The following PTPRM variants were observed in gnomAD, a reference collection of about 807,000 sequenced individuals.
PTPRM encodes the protein receptor-type tyrosine-protein phosphatase mu.
In PTPRM, 47 loss-of-function variants were observed where a neutral mutation model predicts 186.7. That is an observed-to-expected ratio of 0.25 (90% CI 0.20 to 0.32). The LOEUF (loss-of-function observed/expected upper bound fraction) is 0.32. PTPRM is among the 10% of genes least tolerant of loss of function. PTPRM has a pLI of 1.00. For missense variants in PTPRM, 1,494 were observed against 1,865.0 expected (o/e 0.80, Z 3.66); for synonymous variants, 668 against 674.9 (o/e 0.99, Z 0.16).
intron 13 of PTPRM, among the ~76,000 whole-genome samples, chr18:8,120,725 G>C (rs1428630958): frequency 2.6e-5 from 4 of 151,956 alleles, no homozygotes. Context: ...AAACTCCTGA[G>C]CTCAAGCGAT....
intron 1 of PTPRM, among the ~76,000 whole-genome samples, chr18:7,728,674 G>T (rs1050979696): frequency 3.3e-5 from 5 of 152,228 alleles, no homozygotes; most frequent in African/African-American, 9.6e-5. Flanking sequence ...CCGGTCTTCA[G>T]CCTTCAGGCT....
At chr18:8,270,129 A>G (rs1180915559) in intron 19 of PTPRM, 1 of 152,100 alleles carries the variant, frequency 6.6e-6, no homozygotes, top group East Asian at 1.9e-4. Context: ...GAAACAATCA[A>G]CAAAGAGAAA....
intron 21 of PTPRM, among the ~76,000 whole-genome samples, chr18:8,316,312 G>A (rs1194212181): frequency 6.6e-6 from 1 of 152,214 alleles, no homozygotes; most frequent in Non-Finnish European, 1.5e-5. Flanking sequence ...CCCTTAGTAA[G>A]TGTTTCATGA....
Position 8,406,172 on chromosome 18 carries a change from CA to C in PTPRM, c.*11del. The stretch of plus-strand genomic sequence containing the variant: ...CTTGAATTCTGGCTGATGGTGTAAA[CA>C]GCTCTGCAAACAATCCCTTTCATAC... On this transcript the variant is annotated 3_prime_UTR_variant, in exon 33 of 33. Transcript: ENST00000580170. 1 of 1,613,092 alleles carries C rather than the reference CA, an allele frequency of 6.2e-7. No individual in the cohort carries two copies. Among genetic ancestry groups the C allele is most frequent in the Non-Finnish European group, 8.5e-7 (1 of 1,179,160 alleles).
At chr18:7,662,118 T>C (rs1211392762) in intron 1 of PTPRM, among the ~76,000 whole-genome samples, 4 of 106,926 alleles carry the variant, frequency 3.7e-5, no homozygotes, top group African/African-American at 6.0e-5. Flanking sequence ...GTATTTTTTG[T>C]AGAGATGAGG....
chr18:7,721,779 G>C (rs1247559207), intron 1 of PTPRM, among the ~76,000 whole-genome samples: 10 of 152,036 alleles, frequency 6.6e-5, no homozygotes, highest in Admixed American at 6.6e-4. Context: ...TTACTTCTGG[G>C]CTCTCTATTC....
At chr18:8,319,419 T>C (rs990049380) in intron 22 of PTPRM, among the ~76,000 whole-genome samples, 1 of 152,174 alleles carries the variant, frequency 6.6e-6, no homozygotes, top group Non-Finnish European at 1.5e-5. Flanking sequence ...TTAGGAGAAA[T>C]GTGTCCATCA....
rs2094537026 is a variant in PTPRM, at chr18:8,252,492, A to C, written c.2559A>C (p.Pro853=). Residue 853 remains proline (P), a synonymous_variant, in exon 18 of 33, where the codon CCA becomes CCC. Transcript: ENST00000580170. ...TGATATGTATCTTCTTAAAAGTGCC[A>C]ATAAATGGTAAGTTCCCCGATTCGC... ...DPFVPTAILV[P]INDETHTMAS... is the part of the protein sequence containing the mutation. 8 of 1,548,160 alleles carry C rather than the reference A, an allele frequency of 5.2e-6. No homozygotes were observed. The highest frequency in any genetic ancestry group is 7.1e-6 in the Non-Finnish European group (8 of 1,120,002).
At chr18:7,926,775 C>A in intron 5 of PTPRM, 92 bp downstream of exon 5, 1 of 818,658 alleles carries the variant, frequency 1.2e-6, no homozygotes, top group South Asian at 2.3e-5. Flanking sequence ...GACTCAGGTC[C>A]TAGTGTAAGA....
intron 17 of PTPRM, among the ~76,000 whole-genome samples, chr18:8,250,193 A>G (rs2147360355): frequency 6.6e-6 from 1 of 151,946 alleles, no homozygotes; most frequent in South Asian, 2.1e-4. Context: ...GCTGGAGTAT[A>G]TCTTTACTTC....
chr18:7,580,181 T>C (rs776102371), intron 1 of PTPRM, among the ~76,000 whole-genome samples: 1 of 152,182 alleles, frequency 6.6e-6, no homozygotes, highest in Non-Finnish European at 1.5e-5. Flanking sequence ...GCTTATGTCT[T>C]AGTTCAGATT....
intron 1 of PTPRM, among the ~76,000 whole-genome samples, chr18:7,614,810 T>A (rs546518733): frequency 6.6e-6 from 1 of 152,306 alleles, no homozygotes; most frequent in East Asian, 1.9e-4. Flanking sequence ...TAAGGTGGCT[T>A]TTTGCATGGG....
At chr18:7,946,368 C>T (rs1241356517) in intron 5 of PTPRM, among the ~76,000 whole-genome samples, 8 of 152,122 alleles carry the variant, frequency 5.3e-5, no homozygotes, top group African/African-American at 1.9e-4. Flanking sequence ...GGATAGATAG[C>T]CCTAAGGCCT....
At chr18:8,115,421 C>G (rs1049219832) in intron 13 of PTPRM, among the ~76,000 whole-genome samples, 8 of 152,072 alleles carry the variant, frequency 5.3e-5, no homozygotes, top group African/African-American at 1.7e-4. Context: ...CCTGAGCTCC[C>G]CCAGCATCTC....
intron 1 of PTPRM, among the ~76,000 whole-genome samples, chr18:7,654,933 G>A (rs1456728032): frequency 1.3e-5 from 2 of 152,150 alleles, no homozygotes; most frequent in Non-Finnish European, 2.9e-5. Context: ...TGGCTATTCA[G>A]GCTCTTTTTT....
chr18:8,333,279 G>A (rs567734237), intron 22 of PTPRM, among the ~76,000 whole-genome samples: 4 of 152,232 alleles, frequency 2.6e-5, no homozygotes, highest in Admixed American at 1.3e-4. Flanking sequence ...GTAGCCTCAG[G>A]GGAGAACAAA....
At chr18:7,842,705 G>A (rs1186162088) in intron 2 of PTPRM, among the ~76,000 whole-genome samples, 1 of 151,644 alleles carries the variant, frequency 6.6e-6, no homozygotes, top group African/African-American at 2.4e-5. Flanking sequence ...TGAGTTTCCA[G>A]CCTGCTTAAT....
At chr18:8,112,696 T>A (rs1320913640) in intron 11 of PTPRM, among the ~76,000 whole-genome samples, 2 of 152,240 alleles carry the variant, frequency 1.3e-5, no homozygotes, top group Non-Finnish European at 2.9e-5. Context: ...AGTTCAAGGT[T>A]TCTGCCATTC....
At chr18:8,303,203 G>T (rs926572097) in intron 20 of PTPRM, among the ~76,000 whole-genome samples, 1 of 152,136 alleles carries the variant, frequency 6.6e-6, no homozygotes, top group Admixed American at 6.5e-5. Flanking sequence ...GGTGCTGCTA[G>T]TGTCCTGTTG....
Sources: allele counts gnomAD v4.1 joint callset (sites outside exome capture counted in the v4.1 genomes callset), GRCh38; gene constraint gnomAD v4.1.1; transcripts MANE v1.5; gene names NCBI Gene and HGNC (gene_info 2026-07-23, HGNC 2026-07-21).